The following RAD51B variants were observed in gnomAD, a reference collection of about 807,000 sequenced individuals.
RAD51B encodes the protein RAD51 paralog B, also known as DNA repair protein RAD51 homolog 2.
In RAD51B, 38 loss-of-function variants were observed where a neutral mutation model predicts 42.2. The observed-to-expected ratio is 0.90, with a 90% confidence interval of 0.70 to 1.18. The LOEUF is 1.18. Among genes scored for constraint, RAD51B ranks in the 50% most tolerant of loss-of-function variants. RAD51B has a pLI of 0.00. For missense variants in RAD51B, 373 were observed against 400.7 expected, an observed-to-expected ratio of 0.93 and a Z score of 0.59; for synonymous variants, 154 against 145.2, an observed-to-expected ratio of 1.06 and a Z score of -0.43.
chr14:67,923,488 G>A (rs1349350985), intron 7 of RAD51B, among the ~76,000 whole-genome samples: 1 of 151,526 alleles, frequency 6.6e-6, no homozygotes, highest in African/African-American at 2.4e-5. Flanking sequence ...TAGTAGAGAC[G>A]GGGTTTCTCC....
At chr14:68,312,132 TG>T (rs1460983232) in intron 8 of RAD51B, among the ~76,000 whole-genome samples, 3 of 152,340 alleles carry the variant, frequency 2.0e-5, no homozygotes, top group Admixed American at 6.5e-5. Context: ...TGTTTTGTTT[TG>T]TTTTTTAGTG....
At chr14:67,862,725 C>T (rs1236791073) in intron 4 of RAD51B, among the ~76,000 whole-genome samples, 1 of 152,008 alleles carries the variant, frequency 6.6e-6, no homozygotes, top group Non-Finnish European at 1.5e-5. Context: ...AAAATATTTA[C>T]ATTATTATTT....
chr14:68,326,631 C>T (rs2082257484), intron 8 of RAD51B, among the ~76,000 whole-genome samples: 4 of 152,208 alleles, frequency 2.6e-5, no homozygotes. Context: ...TTGGCCCACA[C>T]TCAACTCTAA....
chr14:68,124,194 G>A (rs2077708955), intron 7 of RAD51B, among the ~76,000 whole-genome samples: 1 of 152,198 alleles, frequency 6.6e-6, no homozygotes, highest in African/African-American at 2.4e-5. Flanking sequence ...AATAGAAGGA[G>A]GAAATGATAG....
At chr14:68,401,334 T>C (rs73276248) in intron 8 of RAD51B, among the ~76,000 whole-genome samples, 194 of 152,306 alleles carry the variant, frequency 1.3e-3, no homozygotes, top group African/African-American at 4.5e-3. Context: ...TTGTTAAGAC[T>C]CTGGGAAACT....
At chr14:67,940,330 G>A (rs1456932733) in intron 7 of RAD51B, among the ~76,000 whole-genome samples, 3 of 151,332 alleles carry the variant, frequency 2.0e-5, no homozygotes, top group African/African-American at 4.9e-5. Flanking sequence ...ACCTGCCTTG[G>A]CCTCCCAAAA....
chr14:68,125,856 A>C (rs368601333), intron 7 of RAD51B, among the ~76,000 whole-genome samples: 12 of 152,212 alleles, frequency 7.9e-5, no homozygotes, highest in African/African-American at 2.7e-4. Flanking sequence ...CTGTTCTTAG[A>C]ACTGTAGCTC....
At chr14:68,577,032 A>G (rs1333339015) in intron 10 of RAD51B, among the ~76,000 whole-genome samples, 1 of 152,254 alleles carries the variant, frequency 6.6e-6, no homozygotes, top group Non-Finnish European at 1.5e-5. Context: ...GTCAGAACAC[A>G]AGACCAATGT....
intron 8 of RAD51B, among the ~76,000 whole-genome samples, chr14:68,405,669 C>G (rs1019817300): frequency 6.6e-6 from 1 of 151,932 alleles, no homozygotes; most frequent in African/African-American, 2.4e-5. Context: ...GTTTACCTGT[C>G]CAGAAAACAA....
intron 8 of RAD51B, among the ~76,000 whole-genome samples, chr14:68,317,189 A>G (rs1243960888): frequency 6.6e-6 from 1 of 152,200 alleles, no homozygotes; most frequent in Non-Finnish European, 1.5e-5. Context: ...AAAAATGAGA[A>G]GCTGCTGCAG....
At chr14:68,473,707 T>A (rs1237540672) in intron 10 of RAD51B, among the ~76,000 whole-genome samples, 1 of 152,182 alleles carries the variant, frequency 6.6e-6, no homozygotes. Flanking sequence ...CCCATTTGTT[T>A]CAGATTTTTT....
At chr14:68,354,216 G>GTTTTTTTTTT (rs3075406) in intron 8 of RAD51B, among the ~76,000 whole-genome samples, 1 of 110,484 alleles carries the variant, frequency 9.1e-6, no homozygotes, top group African/African-American at 3.3e-5. Context: ...TGGTTTTTTG[G>GTTTTTTTTTT]TTTTTTTTTT....
chr14:68,240,919 A>G (rs1001017645), intron 7 of RAD51B, among the ~76,000 whole-genome samples: 1 of 152,244 alleles, frequency 6.6e-6, no homozygotes, highest in Non-Finnish European at 1.5e-5. Context: ...TATCTTATTA[A>G]GCTAAAATAA....
chr14:68,272,848 C>T lies in RAD51B; in HGVS notation c.757-19036C>T, dbSNP rs190211203. Among the ~76,000 whole-genome samples the T allele has an allele frequency of 2.4e-3, 366 of 149,692 alleles. 2 individuals are homozygous for T. Among genetic ancestry groups the T allele is most frequent in the African/African-American group, 8.5e-3 (347 of 40,742 alleles). ...TACAGGTGCCCACCACCTTGCCTGGCTAATTTTTTGTATTTTTAGTAGAGA... is the reference window on the plus strand; with the variant it reads ...TACAGGTGCCCACCACCTTGCCTGGTTAATTTTTTGTATTTTTAGTAGAGA... On this transcript the variant is annotated intron_variant, in intron 7 of 10. Coordinates refer to ENST00000471583, the MANE Select transcript of RAD51B (RefSeq NM_133510.4).
chr14:67,892,203 A>T (rs1281391079), intron 7 of RAD51B, among the ~76,000 whole-genome samples: 2 of 152,160 alleles, frequency 1.3e-5, no homozygotes, highest in African/African-American at 2.4e-5. Context: ...GATTGTTCTT[A>T]AACCTATCCT....
rs2140028775 is a variant in RAD51B at position 68,565,483 on chromosome 14, C to G, written c.1037-29002C>G. 6.6e-6 allele frequency among the ~76,000 whole-genome samples: 1 copy of G among 151,870 alleles called. No homozygotes were observed. Among genetic ancestry groups the G allele is most frequent in the South Asian group, 2.1e-4 (1 of 4,808 alleles). ...TAAGAGGAGACTTCAGAGTGAGACT[C>G]TGTCTCAAAAAAAAAAGAAGTTCTT... On this transcript the variant is annotated intron_variant, in intron 10 of 10. Coordinates refer to the RAD51B transcript ENST00000487270. The surrounding 1 kb of genome is among the most constrained non-coding windows in gnomAD (Gnocchi z 4.1).
chr14:68,315,641 C>A (rs1192599231), intron 8 of RAD51B, among the ~76,000 whole-genome samples: 5 of 152,272 alleles, frequency 3.3e-5, no homozygotes, highest in African/African-American at 1.2e-4. Context: ...CCTGCCTCAG[C>A]CTCCCGAGTA....
intron 7 of RAD51B, among the ~76,000 whole-genome samples, chr14:68,281,718 A>G (rs1191347218): frequency 6.6e-6 from 1 of 152,232 alleles, no homozygotes; most frequent in Non-Finnish European, 1.5e-5. Flanking sequence ...GAGAGGCGAC[A>G]AATAGCTACC....
At chr14:68,592,627 T>C (rs1890805915) in intron 10 of RAD51B, among the ~76,000 whole-genome samples, 1 of 152,228 alleles carries the variant, frequency 6.6e-6, no homozygotes, top group Admixed American at 6.5e-5. Context: ...CCACGTATCA[T>C]AGAAGCGACC....
Sources: allele counts gnomAD v4.1 joint callset (sites outside exome capture counted in the v4.1 genomes callset), GRCh38; gene constraint gnomAD v4.1.1; non-coding constraint Gnocchi (gnomAD v3.1); transcripts MANE v1.5; gene names NCBI Gene and HGNC (gene_info 2026-07-23, HGNC 2026-07-21).